SRSF11: variants seen among roughly 807,000 people sequenced by gnomAD.
SRSF11 encodes the protein serine and arginine rich splicing factor 11.
A neutral mutation model predicts 56.0 loss-of-function variants in SRSF11; 9 were observed. The observed-to-expected ratio is 0.16, with a 90% CI of 0.10 to 0.28. The LOEUF (loss-of-function observed/expected upper bound fraction) is 0.28. Ranked by LOEUF, SRSF11 falls within the 10% of genes least tolerant of loss-of-function variation. The probability of loss-of-function intolerance (pLI) is 1.00; values close to 1 mark genes in which losing one functional copy is unlikely to be tolerated. For synonymous variants in SRSF11, 222 were observed against 215.3 expected, an observed-to-expected ratio of 1.03 and a Z score of -0.27; for missense variants, 421 against 600.7, an observed-to-expected ratio of 0.70 and a Z score of 3.13.
intron 1 of SRSF11, among the ~76,000 whole-genome samples, chr1:70,223,147 T>C (rs1671024666): frequency 6.6e-6 from 1 of 152,192 alleles, no homozygotes; most frequent in African/African-American, 2.4e-5. Flanking sequence ...ACTTACTGTT[T>C]TAAGCTTGTA....
At position 70,243,336 on chromosome 1, in the gene SRSF11, C is replaced by CAAAA. The variant is rs56098296; in HGVS notation, c.801-1314_801-1311dup. Among the ~76,000 whole-genome samples the CAAAA allele has an allele frequency of 1.8e-4, 6 of 32,596 alleles. 2 individuals carry two copies. The highest frequency in any genetic ancestry group is 2.4e-4 in the African/African-American group (3 of 12,592). 21.4% of individuals were successfully genotyped at this position (32,596 alleles called of 152,430 possible). A position where few individuals can be genotyped will look rare whatever the true frequency, so the allele number is the denominator to read the frequency against. ...TTTTTAATCCACATTTGGTTGGTGG[C>CAAAA]AAAAAAAAAAAAAAAAAAAAAAAAA... is the stretch of plus-strand genomic sequence containing the variant. On this transcript the variant is annotated intron_variant, in intron 7 of 11. Transcript: ENST00000370949.
rs1251943518 is a variant in SRSF11, at chr1:70,251,044, T to C, written c.*239T>C. 2.3e-6 allele frequency: 1 copy of C among 435,602 alleles called. No individual in the cohort carries two copies. Among genetic ancestry groups the C allele is most frequent in the Admixed American group, 3.8e-5 (1 of 26,472 alleles). The allele number at this position is 435,602 out of a possible 1,614,324, so 27.0% of individuals were successfully genotyped here. On this transcript the variant is annotated 3_prime_UTR_variant, in exon 12 of 12. Transcript: ENST00000370949. ...ATTGAGTAACCAAGCAGTTTTACTA[T>C]TCTGGTGCTGCTTCATAACAAAAAT...
Position 70,221,437 on chromosome 1 carries a change from C to T in SRSF11, c.-200C>T. On this transcript the variant is annotated 5_prime_UTR_variant, in exon 1 of 12. Transcript: ENST00000370949. Reference sequence around the variant, plus strand: ...GTTTGTTTTCTCGTGGTCTCGAGCTCGCGCGCTCTCATCCCCTCCCCCGCG... The same window carrying T: ...GTTTGTTTTCTCGTGGTCTCGAGCTTGCGCGCTCTCATCCCCTCCCCCGCG... 1 of 685,992 alleles carries T rather than the reference C, an allele frequency of 1.5e-6. No homozygotes were observed. Among genetic ancestry groups the T allele is most frequent in the Non-Finnish European group, 2.4e-6 (1 of 422,812 alleles). 42.5% of individuals were successfully genotyped at this position (685,992 alleles called of 1,614,324 possible). A position where few individuals can be genotyped will look rare whatever the true frequency, so the allele number is the denominator to read the frequency against.
At position 70,233,584 on chromosome 1, in the gene SRSF11, G is replaced by A. The variant is rs1193106722; in HGVS notation, c.448-1112G>A. Among the ~76,000 whole-genome samples the A allele has an allele frequency of 8.5e-5, 13 of 152,166 alleles. 1 individual carries two copies. The highest frequency in any genetic ancestry group is 8.5e-4 in the Admixed American group (13 of 15,270). ...AAATTCCTTTAATGTATAAAGCTAT[G>A]CAATAGCTATGTTGGACAGTAAGTT... On this transcript the variant is annotated intron_variant, in intron 3 of 11. Coordinates refer to ENST00000370949, the MANE Select transcript of SRSF11 (RefSeq NM_001350605.2).
chr1:70,244,714 A>G lies in SRSF11; in HGVS notation c.831A>G (p.Ser277=), dbSNP rs938995727. The G allele has an allele frequency of 2.5e-6, 4 of 1,614,058 alleles. No individual in the cohort carries two copies. The highest frequency in any genetic ancestry group is 3.4e-6 in the Non-Finnish European group (4 of 1,180,020). The change falls in exon 8 of 12, where the codon TCA becomes TCG. Residue 277 remains serine (S), a synonymous_variant. Coordinates refer to ENST00000370949, the MANE Select transcript of SRSF11 (RefSeq NM_001350605.2). ...RRSRSRSRRR[S]HSKSRSRRRS... is the part of the protein sequence containing the mutation. ...CAAGAAGCAGATCGAGACGGCGGTC[A>G]CATTCTAAGTCTAGGAGTCGGCGAC...
intron 2 of SRSF11, 181 bp downstream of exon 2, chr1:70,228,736 G>T (rs1037822175): frequency 1.6e-6 from 2 of 1,276,812 alleles, no homozygotes; most frequent in Non-Finnish European, 2.0e-6. Context: ...TAGAAATTAG[G>T]TCTGTTATTA....
In SRSF11 at chr1:70,252,518, A is replaced by G. The variant is rs1678096942; in HGVS notation, c.*1713A>G. ...TGTTTTTTTTAACCTAAAAACTGAAATGCCATATAGAAAAACAGCATTGTT... is the reference window on the plus strand; with the variant it reads ...TGTTTTTTTTAACCTAAAAACTGAAGTGCCATATAGAAAAACAGCATTGTT... On this transcript the variant is annotated 3_prime_UTR_variant, in exon 12 of 12. Coordinates refer to ENST00000370949, the MANE Select transcript of SRSF11 (RefSeq NM_001350605.2). 2 of 152,168 alleles carry G rather than the reference A, an allele frequency of 1.3e-5. No homozygotes were observed. Among genetic ancestry groups the G allele is most frequent in the South Asian group, 4.1e-4 (2 of 4,832 alleles). 9.4% of individuals were successfully genotyped at this position (152,168 alleles called of 1,614,324 possible).
At chr1:70,206,737 A>AG (rs1322054537) in intron 1 of SRSF11, among the ~76,000 whole-genome samples, 5 of 152,140 alleles carry the variant, frequency 3.3e-5, no homozygotes, top group African/African-American at 1.2e-4. Flanking sequence ...ACGCACTTTT[A>AG]CCTGAGTCCA....
At chr1:70,230,162 T>C in intron 2 of SRSF11, 3 of 984,448 alleles carry the variant, frequency 3.0e-6, no homozygotes, top group Non-Finnish European at 3.6e-6. Context: ...TAAATGACTT[T>C]CATAAATATT....
intron 8 of SRSF11, among the ~76,000 whole-genome samples, chr1:70,246,137 G>A (rs560566079): frequency 1.4e-4 from 22 of 152,152 alleles, no homozygotes; most frequent in African/African-American, 5.1e-4. Flanking sequence ...TTAAAGAGGG[G>A]GGTTGTTATG....
At chr1:70,232,059 A>G in intron 2 of SRSF11, 1 of 1,528,966 alleles carries the variant, frequency 6.5e-7, no homozygotes, top group Admixed American at 2.1e-5. Context: ...CCATTTGTAG[A>G]GAAAAAGGAA....
chr1:70,248,004 A>G (rs1003957369), intron 9 of SRSF11, among the ~76,000 whole-genome samples: 1 of 152,132 alleles, frequency 6.6e-6, no homozygotes, highest in Non-Finnish European at 1.5e-5. Context: ...AAAAAGACAG[A>G]TGATAGCTGA....
chr1:70,239,378 C>T, intron 6 of SRSF11, 61 bp from the exon 7 acceptor site: 1 of 1,177,912 alleles, frequency 8.5e-7, no homozygotes. Context: ...AGGCATGAGC[C>T]ACTGCGTCTG....
chr1:70,245,882 T>G (rs188035307), intron 8 of SRSF11, among the ~76,000 whole-genome samples: 1 of 152,180 alleles, frequency 6.6e-6, no homozygotes, highest in African/African-American at 2.4e-5. Flanking sequence ...CTTTAAAAGA[T>G]TTCTGACAGA....
chr1:70,250,248 CT>C, intron 10 of SRSF11, 116 bp from the exon 11 acceptor site: 1 of 1,494,308 alleles, frequency 6.7e-7, no homozygotes, highest in South Asian at 1.4e-5. Context: ...GCCTGTGTTA[CT>C]TCTCCAAGGT....
chr1:70,208,666 G>A (rs1669279350), intron 1 of SRSF11, among the ~76,000 whole-genome samples: 1 of 152,168 alleles, frequency 6.6e-6, no homozygotes, highest in South Asian at 2.1e-4. Flanking sequence ...AGTAAGTGCA[G>A]ATTGAGCAAG....
intron 7 of SRSF11, among the ~76,000 whole-genome samples, chr1:70,241,550 A>G (rs1675394405): frequency 6.6e-6 from 1 of 152,174 alleles, no homozygotes; most frequent in South Asian, 2.1e-4. Context: ...AAAACCTTAG[A>G]ATGGCTTTCA....
At chr1:70,235,088 A>G (rs1235873944) in intron 4 of SRSF11, among the ~76,000 whole-genome samples, 29 of 152,172 alleles carry the variant, frequency 1.9e-4, no homozygotes, top group Non-Finnish European at 3.8e-4. Flanking sequence ...TAATTTTTCT[A>G]TCATGGAAAT....
rs17131249 is a variant in SRSF11, at chr1:70,242,848, T to C, written c.801-1836T>C. Among the ~76,000 whole-genome samples the C allele has an allele frequency of 2.3e-3, 349 of 152,258 alleles. 2 individuals are homozygous for C. In the East Asian group the frequency reaches 0.029, roughly 12 times the overall value. The stretch of plus-strand genomic sequence containing the variant: ...CAAAGTATATTATTGGTGCCTTTTA[T>C]TTAAATCAGGCAGTGTAGTAATTGC... On this transcript the variant is annotated intron_variant, in intron 7 of 11. Coordinates refer to ENST00000370949, the MANE Select transcript of SRSF11 (RefSeq NM_001350605.2).
Sources: gnomAD v4.1 joint callset for allele counts (sites outside exome capture counted in the v4.1 genomes callset) on GRCh38, gnomAD v4.1.1 for gene constraint, MANE v1.5 for transcripts, NCBI Gene and HGNC (gene_info 2026-07-23, HGNC 2026-07-21) for gene names.